TASOR2: variants seen among roughly 807,000 people sequenced by gnomAD.
TASOR2 encodes the protein protein TASOR 2.
In TASOR2, 84 loss-of-function variants were observed where a neutral mutation model predicts 199.5. The ratio of observed to expected loss-of-function variants is 0.42; its 90% confidence interval spans 0.35 to 0.50. TASOR2 has a LOEUF of 0.50. Ranked by LOEUF, TASOR2 falls within the 20% of genes least tolerant of loss-of-function variation. The probability of loss-of-function intolerance (pLI) is 0.02; values close to 1 mark genes in which losing one functional copy is unlikely to be tolerated. For missense variants in TASOR2, 2,796 were observed against 2,835.9 expected (o/e 0.99, Z 0.32); for synonymous variants, 1,103 against 1,046.6 (o/e 1.05, Z -1.04).
At chr10:5,702,471 G>A (rs1837989423) in intron 1 of TASOR2, among the ~76,000 whole-genome samples, 1 of 151,952 alleles carries the variant, frequency 6.6e-6, no homozygotes, top group Admixed American at 6.6e-5. Context: ...GAATGAGTTT[G>A]GAAATATTTC....
intron 1 of TASOR2, among the ~76,000 whole-genome samples, chr10:5,707,635 A>C (rs1202427183): frequency 6.6e-6 from 1 of 151,050 alleles, no homozygotes; most frequent in Non-Finnish European, 1.5e-5. Flanking sequence ...TCTTAGAGTA[A>C]TTAAGATTCT....
At chr10:5,714,340 G>A (rs554123848) in intron 2 of TASOR2, 133 bp downstream of exon 3, 3 of 470,496 alleles carry the variant, frequency 6.4e-6, no homozygotes, top group East Asian at 7.2e-5. Flanking sequence ...ATAATGTTTA[G>A]ATTTCTAACT....
At position 5,740,473 on chromosome 10, in the gene TASOR2, A is replaced by G. The variant is rs1032814603; in HGVS notation, c.2303A>G (p.Lys768Arg). Residue 768 changes from lysine (K) to arginine (R), a missense_variant, in exon 13 of 21, where the codon AAA (lysine) becomes AGA (arginine). Coordinates refer to ENST00000328090, the Ensembl canonical transcript of TASOR2. The surrounding 1 kb of genome is among the most constrained non-coding windows in gnomAD (Gnocchi z 5.3). Reference sequence around the variant, plus strand: ...AAATATACCAACAACCCACTGGAGAAAACTGTAGTAAGAGCATTACATGGG... The same window carrying G: ...AAATATACCAACAACCCACTGGAGAGAACTGTAGTAAGAGCATTACATGGG... 6.2e-7 allele frequency: 1 copy of G among 1,612,546 alleles called. No individual in the cohort carries two copies. Among genetic ancestry groups the G allele is most frequent in the Non-Finnish European group, 8.5e-7 (1 of 1,180,026 alleles).
At chr10:5,694,510 A>G (rs1420693742) in intron 1 of TASOR2, among the ~76,000 whole-genome samples, 1 of 152,204 alleles carries the variant, frequency 6.6e-6, no homozygotes, top group African/African-American at 2.4e-5. Flanking sequence ...CCAGATATTG[A>G]TAAGTGTGCA....
chr10:5,762,508 G>GTTTTTTTTTTTTTTTTTTT (rs148906161), intron 19 of TASOR2, 24 bp from the exon 21 acceptor site: 1 of 439,878 alleles, frequency 2.3e-6, no homozygotes, highest in Admixed American at 4.9e-5. Flanking sequence ...TTAACCAAAA[G>GTTTTTTTTTTTTTTTTTTT]TTGTTTTTTT....
chr10:5,706,696 A>G lies in TASOR2; in HGVS notation c.-287-6127A>G, dbSNP rs1397124886. Among the ~76,000 whole-genome samples, 1 of 152,198 alleles carries G rather than the reference A, an allele frequency of 6.6e-6. No homozygotes were observed. Among genetic ancestry groups the G allele is most frequent in the Non-Finnish European group, 1.5e-5 (1 of 68,036 alleles). On this transcript the variant is annotated intron_variant, in intron 1 of 20. Coordinates refer to ENST00000328090, the Ensembl canonical transcript of TASOR2. This position sits in a 1 kb window ranked among gnomAD's most constrained non-coding sequence, Gnocchi z 4.8. The stretch of plus-strand genomic sequence containing the variant: ...ACAGTATGGCTCAGCAATGATTAAT[A>G]CATACAGTTAAGTAGTGAAACCTAG...
At position 5,749,394 on chromosome 10, in the gene TASOR2, GA is replaced by G; in HGVS notation, c.5975del (p.Asn1992MetfsTer50). The G allele has an allele frequency of 6.2e-7, 1 of 1,614,224 alleles. No homozygotes were observed. The highest frequency in any genetic ancestry group is 8.5e-7 in the Non-Finnish European group (1 of 1,180,032). ...CACATAAACTAAAACAGACCATAAA[GA>G]ATGGGGATTCTCAGCATTCTGCCTC... On this transcript the variant is annotated frameshift_variant, in exon 15 of 21. Transcript: ENST00000328090. LOFTEE classifies it high-confidence loss of function.
At chr10:5,712,769 A>G (rs1832080331) in intron 1 of TASOR2, 54 bp from the exon 2 acceptor site, 2 of 991,904 alleles carry the variant, frequency 2.0e-6, no homozygotes, top group East Asian at 3.3e-5. Flanking sequence ...AAAAATTTGC[A>G]AGACAAAATA....
intron 11 of TASOR2, among the ~76,000 whole-genome samples, chr10:5,732,403 A>G (rs1477496298): frequency 6.6e-6 from 1 of 152,248 alleles, no homozygotes; most frequent in Non-Finnish European, 1.5e-5. Flanking sequence ...AGCTGAAAGT[A>G]TGTACTCTAT....
Position 5,706,607 on chromosome 10 carries a change from C to T in TASOR2, c.-287-6216C>T, listed in dbSNP as rs757874110. 6.6e-6 allele frequency among the ~76,000 whole-genome samples: 1 copy of T among 152,162 alleles called. No individual in the cohort carries two copies. Among genetic ancestry groups the T allele is most frequent in the African/African-American group, 2.4e-5 (1 of 41,428 alleles). ...TTCAAGCTGAAATAATGATTGGTAA[C>T]TGAAAATTAAGCTATTTTAAATTCA... On this transcript the variant is annotated intron_variant, in intron 1 of 20. Coordinates refer to ENST00000328090, the Ensembl canonical transcript of TASOR2. The surrounding 1 kb of genome is among the most constrained non-coding windows in gnomAD (Gnocchi z 4.8).
At chr10:5,728,629 AC>A (rs1351287263) in intron 10 of TASOR2, among the ~76,000 whole-genome samples, 6 of 152,078 alleles carry the variant, frequency 3.9e-5, no homozygotes, top group African/African-American at 7.2e-5. Flanking sequence ...AAAAAAAAAA[AC>A]AAAACAATTC....
At chr10:5,691,839 C>T (rs538862856) in intron 1 of TASOR2, among the ~76,000 whole-genome samples, 1 of 152,088 alleles carries the variant, frequency 6.6e-6, no homozygotes, top group African/African-American at 2.4e-5. Flanking sequence ...CATCCCTACC[C>T]CAGGCATTGG....
At chr10:5,725,408 A>G (rs1420567208) in intron 8 of TASOR2, among the ~76,000 whole-genome samples, 1 of 126,410 alleles carries the variant, frequency 7.9e-6, no homozygotes, top group Non-Finnish European at 1.8e-5. Flanking sequence ...AAAAAAAAAA[A>G]AAAAAAAAAA....
At chr10:5,762,752 C>T in intron 20 of TASOR2, 106 bp downstream of exon 21, 2 of 716,976 alleles carry the variant, frequency 2.8e-6, no homozygotes, top group South Asian at 3.4e-5. Context: ...TGTTTACATA[C>T]TTCATGCTAT....
intron 15 of TASOR2, among the ~76,000 whole-genome samples, chr10:5,755,409 C>T (rs1011017214): frequency 1.3e-5 from 2 of 151,822 alleles, no homozygotes; most frequent in East Asian, 1.9e-4. Flanking sequence ...CCCATCTCTA[C>T]TAAAAATGAC....
chr10:5,742,037 G>C lies in TASOR2; in HGVS notation c.2328-60G>C. The C allele has an allele frequency of 6.6e-7, 1 of 1,512,618 alleles. No individual in the cohort carries two copies. 93.7% of individuals were successfully genotyped at this position (1,512,618 alleles called of 1,614,324 possible). A position where few individuals can be genotyped will look rare whatever the true frequency, so the allele number is the denominator to read the frequency against. On this transcript the variant is annotated intron_variant, in intron 13 of 20. Transcript: ENST00000328090. This position sits in a 1 kb window ranked among gnomAD's most constrained non-coding sequence, Gnocchi z 4.2. ...ATTGGAGGCACTTGCTTATGATAAG[G>C]TAATCAACTAAAATAACCATTTTCA...
chr10:5,762,485 T>TAATAATAA (rs1840016044), intron 19 of TASOR2, 47 bp from the exon 21 acceptor site: 1 of 494,726 alleles, frequency 2.0e-6, no homozygotes, highest in South Asian at 4.1e-5. Flanking sequence ...TATATAAAAG[T>TAATAATAA]ACATTAATTA....
rs2131473365 is a variant in TASOR2 at position 5,685,822 on chromosome 10, A to G, written c.-288+647A>G. ...TCTTAGTCGCTTCTTGTCTATTTGA[A>G]ATCTGTAACTTTAAACAAACCACGC... On this transcript the variant is annotated intron_variant, in intron 1 of 20. Transcript: ENST00000328090. This position sits in a 1 kb window ranked among gnomAD's most constrained non-coding sequence, Gnocchi z 5.4. Among the ~76,000 whole-genome samples, 1 of 152,298 alleles carries G rather than the reference A, an allele frequency of 6.6e-6. No individual in the cohort carries two copies. Among genetic ancestry groups the G allele is most frequent in the East Asian group, 1.9e-4 (1 of 5,186 alleles).
intron 1 of TASOR2, among the ~76,000 whole-genome samples, chr10:5,695,764 T>C (rs2131503926): frequency 6.6e-6 from 1 of 152,288 alleles, no homozygotes; most frequent in African/African-American, 2.4e-5. Flanking sequence ...GGGCAAGTAA[T>C]AAATGATTTC....
Sources: allele counts gnomAD v4.1 joint callset (sites outside exome capture counted in the v4.1 genomes callset), GRCh38; gene constraint gnomAD v4.1.1; non-coding constraint Gnocchi (gnomAD v3.1); transcripts MANE v1.5; gene names NCBI Gene and HGNC (gene_info 2026-07-23, HGNC 2026-07-21).